Variants in PPP1R12B observed in about 807,000 individuals in gnomAD.
PPP1R12B encodes myosin phosphatase target subunit 2.
In PPP1R12B, 76 loss-of-function variants were observed where a neutral mutation model predicts 126.1. The observed-to-expected ratio is 0.60, with a 90% CI of 0.50 to 0.73. The LOEUF is 0.73. Among genes scored for constraint, PPP1R12B ranks in the 30% least tolerant of loss-of-function variants. The pLI is 0.00. For synonymous variants in PPP1R12B, 356 were observed against 434.7 expected (o/e 0.82, Z 2.25); for missense variants, 1,052 against 1,205.1 (o/e 0.87, Z 1.88).
At chr1:202,496,671 T>C (rs529707615) in intron 17 of PPP1R12B, 110 bp from the exon 18 acceptor site, 22 of 920,456 alleles carry the variant, frequency 2.4e-5, no homozygotes, top group Non-Finnish European at 3.5e-5. Flanking sequence ...TCAATTCTCA[T>C]TGCCCATGTT....
intron 13 of PPP1R12B, among the ~76,000 whole-genome samples, chr1:202,456,183 C>T (rs1404260602): frequency 3.3e-5 from 5 of 151,626 alleles, no homozygotes; most frequent in East Asian, 1.9e-4. Context: ...GCAGTAGAAT[C>T]GCTTGAGCCT....
intron 23 of PPP1R12B, among the ~76,000 whole-genome samples, chr1:202,579,164 C>T (rs534035505): frequency 5.3e-5 from 8 of 152,260 alleles, no homozygotes; most frequent in African/African-American, 1.9e-4. Context: ...ATCTGTGATT[C>T]ATATTTGTGT....
intron 1 of PPP1R12B, among the ~76,000 whole-genome samples, chr1:202,360,310 G>A (rs1657928089): frequency 6.6e-6 from 1 of 152,164 alleles, no homozygotes; most frequent in South Asian, 2.1e-4. Context: ...AGCCAGTCTT[G>A]ACTAGACCTG....
rs1441565297 is a variant in PPP1R12B, at chr1:202,548,802, CTCTCTCTATA to C, written c.2491-10073_2491-10064del. 5.9e-3 allele frequency among the ~76,000 whole-genome samples: 565 copies of C among 95,376 alleles called. 3 individuals are homozygous for C. The highest frequency in any genetic ancestry group is 0.039 in the East Asian group (117 of 2,990). The allele number at this position is 95,376 out of a possible 152,430, so 62.6% of individuals were successfully genotyped here. A position where few individuals can be genotyped will look rare whatever the true frequency, so the allele number is the denominator to read the frequency against. ...TCTCTCTCTCTCTCTCTCTCTCTCT[CTCTCTCTATA>C]TATATATATATATATATATATATAA... On this transcript the variant is annotated intron_variant, in intron 18 of 23. Coordinates refer to ENST00000608999, the MANE Select transcript of PPP1R12B (RefSeq NM_002481.4).
rs1553332186 is a variant in PPP1R12B at position 202,588,858 on chromosome 1, G to GATAC, written c.*8301_*8302insCATA. 6.9e-6 allele frequency: 1 copy of GATAC among 145,536 alleles called. No individual in the cohort carries two copies. The highest frequency in any genetic ancestry group is 1.5e-5 in the Non-Finnish European group (1 of 67,566). 9.0% of individuals were successfully genotyped at this position (145,536 alleles called of 1,614,324 possible). ...AGATAGATAGATAGATAGATAGATA[G>GATAC]ATAGATAGATAGATATCAAGGTTCC... On this transcript the variant is annotated 3_prime_UTR_variant, in exon 24 of 24. Transcript: ENST00000608999.
chr1:202,380,028 G>GT (rs926982792), intron 1 of PPP1R12B, among the ~76,000 whole-genome samples: 7 of 152,090 alleles, frequency 4.6e-5, no homozygotes, highest in Admixed American at 1.3e-4. Context: ...TGTCTTACCA[G>GT]TTTTTTTCCC....
chr1:202,549,106 A>G (rs2148981055), intron 18 of PPP1R12B, among the ~76,000 whole-genome samples: 1 of 152,236 alleles, frequency 6.6e-6, no homozygotes, highest in Non-Finnish European at 1.5e-5. Flanking sequence ...ATGAAAGTGG[A>G]AGAATCAAAG....
At chr1:202,367,995 G>A (rs571182691) in intron 1 of PPP1R12B, among the ~76,000 whole-genome samples, 22 of 151,848 alleles carry the variant, frequency 1.4e-4, no homozygotes, top group Non-Finnish European at 3.1e-4. Context: ...TAGAGACGGA[G>A]TTTTGCTCTT....
At chr1:202,537,413 G>C (rs538388113) in intron 18 of PPP1R12B, among the ~76,000 whole-genome samples, 1 of 152,110 alleles carries the variant, frequency 6.6e-6, no homozygotes, top group African/African-American at 2.4e-5. Flanking sequence ...TTCCATTATA[G>C]TCTTATGCAA....
chr1:202,453,072 A>G (rs368869364), intron 13 of PPP1R12B, among the ~76,000 whole-genome samples: 39 of 152,306 alleles, frequency 2.6e-4, no homozygotes, highest in African/African-American at 9.1e-4. Context: ...CTTAGAGGAA[A>G]GGCTTTCAGT....
At chr1:202,554,915 C>G (rs570246142) in intron 18 of PPP1R12B, among the ~76,000 whole-genome samples, 95 of 152,028 alleles carry the variant, frequency 6.2e-4, no homozygotes, top group African/African-American at 2.2e-3. Context: ...GTATGGGAAT[C>G]ACAAGTGTGA....
At chr1:202,411,576 G>A (rs1558191848) in intron 1 of PPP1R12B, among the ~76,000 whole-genome samples, 1 of 151,878 alleles carries the variant, frequency 6.6e-6, no homozygotes, top group Non-Finnish European at 1.5e-5. Flanking sequence ...TGATCATTGA[G>A]GACTAAGTAC....
At chr1:202,386,906 A>G (rs886330926) in intron 1 of PPP1R12B, among the ~76,000 whole-genome samples, 2 of 152,192 alleles carry the variant, frequency 1.3e-5, no homozygotes, top group African/African-American at 2.4e-5. Flanking sequence ...ACAACTTTTC[A>G]TGGCATCCTA....
In PPP1R12B at chr1:202,589,990, G is replaced by C. The variant is rs1363278887; in HGVS notation, c.*9430G>C. On this transcript the variant is annotated 3_prime_UTR_variant, in exon 24 of 24. Transcript: ENST00000608999. Reference sequence around the variant, plus strand: ...GAGACAGGTGGAAGTGGGAACCGAAGAAGGAGTTTTACTCTTCCCTGGTCT... The same window carrying C: ...GAGACAGGTGGAAGTGGGAACCGAACAAGGAGTTTTACTCTTCCCTGGTCT... The C allele has an allele frequency of 1.3e-5, 2 of 152,118 alleles. No individual in the cohort carries two copies. The highest frequency in any genetic ancestry group is 2.9e-5 in the Non-Finnish European group (2 of 68,018). 9.4% of individuals were successfully genotyped at this position (152,118 alleles called of 1,614,324 possible). A position where few individuals can be genotyped will look rare whatever the true frequency, so the allele number is the denominator to read the frequency against.
Position 202,584,896 on chromosome 1 carries a change from TATC to T in PPP1R12B, c.*4341_*4343del, listed in dbSNP as rs1359316393. The T allele has an allele frequency of 5.9e-5, 9 of 152,202 alleles. No homozygotes were observed. The highest frequency in any genetic ancestry group is 2.2e-4 in the African/African-American group (9 of 41,452). The allele number at this position is 152,202 out of a possible 1,614,324, so 9.4% of individuals were successfully genotyped here. A position where few individuals can be genotyped will look rare whatever the true frequency, so the allele number is the denominator to read the frequency against. Reference sequence around the variant, plus strand: ...AGCCCTGGTATCCTTCCCTCAGAGATATCATCAGGGGCCCTCAAACCCCATTGT... The same window carrying T: ...AGCCCTGGTATCCTTCCCTCAGAGATATCAGGGGCCCTCAAACCCCATTGT... On this transcript the variant is annotated 3_prime_UTR_variant, in exon 24 of 24. Transcript: ENST00000608999.
At chr1:202,408,921 T>A (rs1667014084) in intron 1 of PPP1R12B, among the ~76,000 whole-genome samples, 1 of 143,990 alleles carries the variant, frequency 6.9e-6, no homozygotes. Context: ...CACTGGAACC[T>A]CCACCTCCCA....
chr1:202,469,477 A>G (rs1020645249), intron 13 of PPP1R12B, among the ~76,000 whole-genome samples: 1 of 152,224 alleles, frequency 6.6e-6, no homozygotes, highest in African/African-American at 2.4e-5. Context: ...AATAAAAAAT[A>G]GAAGTTAAAA....
intron 18 of PPP1R12B, among the ~76,000 whole-genome samples, chr1:202,549,925 T>A (rs1686140777): frequency 6.6e-6 from 1 of 152,202 alleles, no homozygotes; most frequent in African/African-American, 2.4e-5. Flanking sequence ...TCTCCGCTCC[T>A]ATCCCATTTA....
At position 202,468,725 on chromosome 1, in the gene PPP1R12B, G is replaced by A. The variant is rs183740636; in HGVS notation, c.1850+19554G>A. ...TCCCAGCACTTTGGGAGGCTGAGGC[G>A]GGCGGATCACCTGAGGTCAGGAGTT... On this transcript the variant is annotated intron_variant, in intron 13 of 23. Coordinates refer to ENST00000608999, the MANE Select transcript of PPP1R12B (RefSeq NM_002481.4). Among the ~76,000 whole-genome samples, 749 of 152,242 alleles carry A rather than the reference G, an allele frequency of 4.9e-3. 4 individuals carry two copies. Among genetic ancestry groups the A allele is most frequent in the African/African-American group, 0.017 (700 of 41,534 alleles).
Sources: allele counts gnomAD v4.1 joint callset (sites outside exome capture counted in the v4.1 genomes callset), GRCh38; gene constraint gnomAD v4.1.1; transcripts MANE v1.5; gene names NCBI Gene and HGNC (gene_info 2026-07-23, HGNC 2026-07-21).